PLEKHG1: variants seen among roughly 807,000 people sequenced by gnomAD.
The protein encoded by PLEKHG1 is pleckstrin homology domain-containing family G member 1.
PLEKHG1 carries 44 observed loss-of-function variants against 100.8 expected under a neutral mutation model. The observed-to-expected ratio is 0.44, with a 90% CI of 0.34 to 0.56. The LOEUF (loss-of-function observed/expected upper bound fraction) is 0.56, where lower values mean the gene tolerates loss of function less well. Among genes scored for constraint, PLEKHG1 ranks in the 20% least tolerant of loss-of-function variants. The pLI is 0.01. For missense variants in PLEKHG1, 1,545 were observed against 1,720.9 expected (o/e 0.90, Z 1.81); for synonymous variants, 640 against 662.5 (o/e 0.97, Z 0.52).
chr6:150,735,205 C>G (rs1583027233), intron 2 of PLEKHG1, among the ~76,000 whole-genome samples: 1 of 151,850 alleles, frequency 6.6e-6, no homozygotes, highest in African/African-American at 2.4e-5. Context: ...AGGCTGGTCT[C>G]GAACTCCCGA....
At chr6:150,657,118 C>T (rs1216483667) in intron 3 of PLEKHG1, among the ~76,000 whole-genome samples, 1 of 152,080 alleles carries the variant, frequency 6.6e-6, no homozygotes, top group Non-Finnish European at 1.5e-5. Context: ...CAAACTACCT[C>T]CAATCTAGTA....
chr6:150,684,568 TC>T (rs768852750), intron 3 of PLEKHG1, among the ~76,000 whole-genome samples: 1 of 152,170 alleles, frequency 6.6e-6, no homozygotes, highest in Non-Finnish European at 1.5e-5. Flanking sequence ...CCGAAATGGT[TC>T]TGGCCAACCC....
exon 2 of PLEKHG1, chr6:150,733,726 A>G (rs146232617): frequency 1.2e-6 from 2 of 1,614,062 alleles, no homozygotes; most frequent in African/African-American, 1.3e-5. Flanking sequence ...TCGGTTCCAC[A>G]TCATCCTCGG....
chr6:150,606,856 T>C (rs962464200), intron 1 of PLEKHG1, among the ~76,000 whole-genome samples: 1 of 152,102 alleles, frequency 6.6e-6, no homozygotes, highest in South Asian at 2.1e-4. Flanking sequence ...TGGGTCCTTC[T>C]GGAATCTGTT....
At chr6:150,830,514 G>T (rs931775803) in intron 14 of PLEKHG1, 68 bp from the exon 16 acceptor site, 3 of 1,180,492 alleles carry the variant, frequency 2.5e-6, no homozygotes, top group Non-Finnish European at 3.6e-6. Context: ...AAACACAGGA[G>T]AAATTCCTGA....
chr6:150,647,107 T>C (rs1778533603), intron 2 of PLEKHG1, among the ~76,000 whole-genome samples: 1 of 152,220 alleles, frequency 6.6e-6, no homozygotes, highest in Non-Finnish European at 1.5e-5. Flanking sequence ...AGGGAAAATT[T>C]TTATGCTTTG....
chr6:150,809,010 T>C (rs1328849406), intron 7 of PLEKHG1, 95 bp from the exon 9 acceptor site: 1 of 1,014,972 alleles, frequency 9.9e-7, no homozygotes, highest in African/African-American at 1.6e-5. Flanking sequence ...CAGGGACGAT[T>C]TGGCACCATT....
At chr6:150,816,326 CTTTTTTTTTTTTTTTTTTT>C (rs1173343082) in intron 10 of PLEKHG1, among the ~76,000 whole-genome samples, 2 of 41,106 alleles carry the variant, frequency 4.9e-5, no homozygotes, top group African/African-American at 1.5e-4. Context: ...CTCAAACATA[CTTTTTTTTTTTTTTTTTTT>C]TTTTTTTTTT....
chr6:150,625,529 G>T (rs62434099), intron 1 of PLEKHG1, among the ~76,000 whole-genome samples: 11,401 of 152,022 alleles, frequency 0.075, 534 homozygotes, highest in Non-Finnish European at 0.1. Flanking sequence ...TTGCACTCTT[G>T]TCACCCAGGC....
chr6:150,642,148 C>A (rs548500294), intron 2 of PLEKHG1, among the ~76,000 whole-genome samples: 1 of 152,154 alleles, frequency 6.6e-6, no homozygotes, highest in Non-Finnish European at 1.5e-5. Flanking sequence ...CTTATTAAAT[C>A]TATTTGACTT....
chr6:150,687,162 TC>T (rs1780169658), intron 3 of PLEKHG1, among the ~76,000 whole-genome samples: 1 of 152,224 alleles, frequency 6.6e-6, no homozygotes, highest in African/African-American at 2.4e-5. Flanking sequence ...AGGTCTATTT[TC>T]CTTTCCTAAT....
chr6:150,638,677 G>A (rs1198577880), intron 2 of PLEKHG1, among the ~76,000 whole-genome samples: 2 of 152,140 alleles, frequency 1.3e-5, no homozygotes, highest in Non-Finnish European at 2.9e-5. Flanking sequence ...GCTGTTCAGT[G>A]GTGGGGAGCT....
chr6:150,770,127 C>T (rs1784648280), intron 3 of PLEKHG1, among the ~76,000 whole-genome samples: 1 of 152,260 alleles, frequency 6.6e-6, no homozygotes, highest in South Asian at 2.1e-4. Context: ...AAAATATAAG[C>T]CTACGATGCT....
chr6:150,760,757 T>C (rs1784111735), intron 2 of PLEKHG1, among the ~76,000 whole-genome samples: 1 of 151,986 alleles, frequency 6.6e-6, no homozygotes, highest in Non-Finnish European at 1.5e-5. Context: ...GACTTCATCA[T>C]GGCCAACTGT....
chr6:150,780,260 C>T (rs763614537), intron 3 of PLEKHG1, among the ~76,000 whole-genome samples: 14 of 151,602 alleles, frequency 9.2e-5, no homozygotes, highest in Non-Finnish European at 1.8e-4. Flanking sequence ...CTCGACCTCC[C>T]GAGTAGCACC....
chr6:150,651,426 GT>G (rs1370972211), intron 3 of PLEKHG1, among the ~76,000 whole-genome samples: 2 of 151,920 alleles, frequency 1.3e-5, no homozygotes, highest in African/African-American at 4.8e-5. Context: ...TAGAGATGGG[GT>G]TTCACCACGT....
chr6:150,753,780 T>C (rs555031950), intron 2 of PLEKHG1, among the ~76,000 whole-genome samples: 1 of 152,196 alleles, frequency 6.6e-6, no homozygotes, highest in East Asian at 1.9e-4. Flanking sequence ...CAAGAGGTGG[T>C]GTTGTAAAAA....
At chr6:150,669,533 G>T (rs1291480003) in intron 3 of PLEKHG1, among the ~76,000 whole-genome samples, 1 of 151,036 alleles carries the variant, frequency 6.6e-6, no homozygotes. Context: ...CGATGTCAAA[G>T]TTACTGGAAC....
In PLEKHG1 at chr6:150,821,241, G is replaced by A. The variant is rs372465040; in HGVS notation, c.1447+8G>A. The A allele has an allele frequency of 3.3e-5, 53 of 1,592,440 alleles. No homozygotes were observed. Among genetic ancestry groups the A allele is most frequent in the African/African-American group, 2.0e-4 (15 of 74,458 alleles). ...AAGTTTTGAAGACCAGTGGTAAGTCGTAAAATATATTTTCCTGTTTCATTC... is the reference window on the plus strand; with the variant it reads ...AAGTTTTGAAGACCAGTGGTAAGTCATAAAATATATTTTCCTGTTTCATTC... On this transcript the variant is annotated splice_region_variant and intron_variant, in intron 13 of 15. Coordinates refer to ENST00000358517, the Ensembl canonical transcript of PLEKHG1.
Sources: gnomAD v4.1 joint callset for allele counts (sites outside exome capture counted in the v4.1 genomes callset) on GRCh38, gnomAD v4.1.1 for gene constraint, MANE v1.5 for transcripts, NCBI Gene and HGNC (gene_info 2026-07-23, HGNC 2026-07-21) for gene names.